GABRA6: variants seen among roughly 807,000 people sequenced by gnomAD.
GABRA6 encodes the protein gamma-aminobutyric acid receptor subunit alpha-6.
In GABRA6, 45 loss-of-function variants were observed where a neutral mutation model predicts 47.3. That is an observed-to-expected ratio of 0.95 (90% CI 0.75 to 1.22). The LOEUF (loss-of-function observed/expected upper bound fraction) is 1.22. Among genes scored for constraint, GABRA6 ranks in the 50% most tolerant of loss-of-function variants. The pLI is 0.00. For synonymous variants in GABRA6, 219 were observed against 194.7 expected, an observed-to-expected ratio of 1.12 and a Z score of -1.04; for missense variants, 583 against 549.3, an observed-to-expected ratio of 1.06 and a Z score of -0.61.
At chr5:161,694,212 C>T (rs1754849659) in intron 8 of GABRA6, among the ~76,000 whole-genome samples, 1 of 150,022 alleles carries the variant, frequency 6.7e-6, no homozygotes, top group Admixed American at 6.6e-5. Flanking sequence ...ATATATTGTC[C>T]ATAGGTCATC....
At chr5:161,696,007 C>A (rs77243557) in intron 8 of GABRA6, among the ~76,000 whole-genome samples, 24,026 of 152,000 alleles carry the variant, frequency 0.16, 2,351 homozygotes, top group South Asian at 0.38. Context: ...GATCAATGAG[C>A]CTTAATAATA....
At chr5:161,687,308 C>A (rs1754718563) in intron 3 of GABRA6, 1 of 415,886 alleles carries the variant, frequency 2.4e-6, no homozygotes, top group Non-Finnish European at 4.5e-6. Flanking sequence ...GAAGCTCCAG[C>A]AAATTTATTG....
At position 161,702,173 on chromosome 5, in the gene GABRA6, C is replaced by A. The variant is rs941359078; in HGVS notation, c.*400C>A. 4 of 222,450 alleles carry A rather than the reference C, an allele frequency of 1.8e-5. No individual in the cohort carries two copies. Among genetic ancestry groups the A allele is most frequent in the East Asian group, 1.1e-4 (1 of 9,166 alleles). The allele number at this position is 222,450 out of a possible 1,614,324, so 13.8% of individuals were successfully genotyped here. ...AATATGTTTATTTTGGCTTAGTTCC[C>A]GAGAGGGCAAAATATAAATACAGTC... On this transcript the variant is annotated 3_prime_UTR_variant, in exon 9 of 9. Coordinates refer to ENST00000274545, the MANE Select transcript of GABRA6 (RefSeq NM_000811.3).
chr5:161,693,897 C>T, intron 8 of GABRA6, among the ~76,000 whole-genome samples: 1 of 152,110 alleles, frequency 6.6e-6, no homozygotes, highest in African/African-American at 2.4e-5. Flanking sequence ...GGCCACCCTT[C>T]CCAAGAATTC....
At chr5:161,687,673 C>G (rs929044717) in intron 3 of GABRA6, 4 of 301,876 alleles carry the variant, frequency 1.3e-5, no homozygotes, top group African/African-American at 8.9e-5. Context: ...AATATGAATG[C>G]TGAAGTAAAC....
intron 8 of GABRA6, among the ~76,000 whole-genome samples, chr5:161,695,681 C>T (rs1247685231): frequency 6.6e-6 from 1 of 152,132 alleles, no homozygotes; most frequent in African/African-American, 2.4e-5. Context: ...TGTCATTACT[C>T]TCAATGTAGC....
At chr5:161,696,856 C>T (rs1403841390) in intron 8 of GABRA6, among the ~76,000 whole-genome samples, 2 of 152,268 alleles carry the variant, frequency 1.3e-5, no homozygotes, top group East Asian at 3.9e-4. Flanking sequence ...TATTTTCTCT[C>T]ATCTGTGTTG....
intron 8 of GABRA6, 83 bp from the exon 9 acceptor site, chr5:161,701,415 T>G: frequency 7.0e-7 from 1 of 1,427,786 alleles, no homozygotes; most frequent in Non-Finnish European, 9.8e-7. Flanking sequence ...TAAATATTTG[T>G]CAATGGTGAA....
rs1754681676 is a variant in GABRA6, at chr5:161,685,878, A to G, written c.-112A>G. On this transcript the variant is annotated 5_prime_UTR_variant, in exon 1 of 9. Transcript: ENST00000274545. ...GATTACTGACTTGAGGCAAACAAGG[A>G]ACAGAGATATGAAGGGTTTGAAAGA... 2.2e-6 allele frequency: 2 copies of G among 908,832 alleles called. No homozygotes were observed. The highest frequency in any genetic ancestry group is 1.9e-6 in the Non-Finnish European group (1 of 538,366). 56.3% of individuals were successfully genotyped at this position (908,832 alleles called of 1,614,324 possible).
At position 161,685,731 on chromosome 5, in the gene GABRA6, GC is replaced by G. The variant is rs896957048; in HGVS notation, c.-257del. The stretch of plus-strand genomic sequence containing the variant: ...TTTCCCAACTGAGTCAGTCAGAGGA[GC>G]CTGGGTGTCTGCAGGACATAATCTA... On this transcript the variant is annotated 5_prime_UTR_variant, in exon 1 of 9. Transcript: ENST00000274545. 3 of 567,666 alleles carry G rather than the reference GC, an allele frequency of 5.3e-6. No individual in the cohort carries two copies. The highest frequency in any genetic ancestry group is 3.8e-5 in the African/African-American group (2 of 53,128). 35.2% of individuals were successfully genotyped at this position (567,666 alleles called of 1,614,324 possible). A position where few individuals can be genotyped will look rare whatever the true frequency, so the allele number is the denominator to read the frequency against.
Position 161,689,697 on chromosome 5 carries a change from A to G in GABRA6, c.591A>G (p.Glu197=). The G allele has an allele frequency of 6.2e-7, 1 of 1,611,228 alleles. No homozygotes were observed. The highest frequency in any genetic ancestry group is 8.5e-7 in the Non-Finnish European group (1 of 1,177,374). The change falls in exon 6 of 9, where the codon GAA becomes GAG. Residue 197 remains glutamate, a synonymous_variant. Coordinates refer to ENST00000274545, the MANE Select transcript of GABRA6 (RefSeq NM_000811.3). ...TWKKGPLYSV[E]VPEESSSLLQ... is the part of the protein sequence containing the mutation. ...AAAAAGGACCACTTTACTCAGTAGA[A>G]GTCCCAGAAGAATCTTCAAGCCTTC...
rs1026181804 is a variant in GABRA6 at position 161,702,186 on chromosome 5, T to C, written c.*413T>C. 6.5e-5 allele frequency: 14 copies of C among 216,250 alleles called. No homozygotes were observed. In the South Asian group the frequency reaches 1.0e-3, roughly 15 times the overall value. 13.4% of individuals were successfully genotyped at this position (216,250 alleles called of 1,614,324 possible). The stretch of plus-strand genomic sequence containing the variant: ...TGGCTTAGTTCCCGAGAGGGCAAAA[T>C]ATAAATACAGTCTAAATATTTATCA... On this transcript the variant is annotated 3_prime_UTR_variant, in exon 9 of 9. Transcript: ENST00000274545.
chr5:161,699,751 T>G (rs966341975), intron 8 of GABRA6, among the ~76,000 whole-genome samples: 1 of 151,988 alleles, frequency 6.6e-6, no homozygotes, highest in Non-Finnish European at 1.5e-5. Flanking sequence ...TCAGCCACCA[T>G]GCACAGCCCA....
chr5:161,701,924 C>A lies in GABRA6; in HGVS notation c.*151C>A, dbSNP rs1754988437. 6.6e-6 allele frequency: 5 copies of A among 758,494 alleles called. No homozygotes were observed. Among genetic ancestry groups the A allele is most frequent in the Admixed American group, 2.5e-5 (1 of 40,594 alleles). The allele number at this position is 758,494 out of a possible 1,614,324, so 47.0% of individuals were successfully genotyped here. ...CGCAGCTTCCGTAAGCATGTGTGGG[C>A]AAAAAAGCAATAATCCTACTCCTCA... On this transcript the variant is annotated 3_prime_UTR_variant, in exon 9 of 9. Coordinates refer to ENST00000274545, the MANE Select transcript of GABRA6 (RefSeq NM_000811.3).
At chr5:161,690,427 T>A (rs1262765615) in intron 7 of GABRA6, 74 bp downstream of exon 7, 2 of 1,422,718 alleles carry the variant, frequency 1.4e-6, no homozygotes, top group Non-Finnish European at 2.0e-6. Flanking sequence ...GAGTAAATAT[T>A]TACACTGGTG....
At chr5:161,697,047 T>C (rs2067898632) in intron 8 of GABRA6, among the ~76,000 whole-genome samples, 1 of 152,234 alleles carries the variant, frequency 6.6e-6, no homozygotes, top group Non-Finnish European at 1.5e-5. Context: ...CTCTATCAAA[T>C]AGTTGATTGT....
intron 8 of GABRA6, 108 bp downstream of exon 8, chr5:161,692,308 T>C: frequency 7.4e-7 from 1 of 1,348,426 alleles, no homozygotes. Context: ...GCACAGGTTA[T>C]ATAACTGTAG....
chr5:161,685,905 T>G lies in GABRA6; in HGVS notation c.-85T>G. 1 of 1,068,632 alleles carries G rather than the reference T, an allele frequency of 9.4e-7. No homozygotes were observed. Among genetic ancestry groups the G allele is most frequent in the Non-Finnish European group, 1.5e-6 (1 of 681,200 alleles). 66.2% of individuals were successfully genotyped at this position (1,068,632 alleles called of 1,614,324 possible). On this transcript the variant is annotated 5_prime_UTR_variant, in exon 1 of 9. It adds an upstream start codon to the 5' untranslated region. Coordinates refer to ENST00000274545, the MANE Select transcript of GABRA6 (RefSeq NM_000811.3). The stretch of plus-strand genomic sequence containing the variant: ...CAGAGATATGAAGGGTTTGAAAGAT[T>G]TCTCCAGTTGATTGGCAGAGAAGAG...
Position 161,701,544 on chromosome 5 carries a change from C to T in GABRA6, c.1133C>T (p.Ser378Phe). 6.2e-7 allele frequency: 1 copy of T among 1,614,202 alleles called. No homozygotes were observed. The highest frequency in any genetic ancestry group is 8.5e-7 in the Non-Finnish European group (1 of 1,180,012). ...YHLKKRITSL[S>F]LPIVSSSEAN... ...CTGAAGAAAAGGATCACTTCTCTGT[C>T]TTTGCCAATAGTTTCATCTTCCGAG... The change falls in exon 9 of 9, where the codon TCT (serine) becomes TTT (phenylalanine). Residue 378 changes from serine (S) to phenylalanine (F), a missense_variant. By Grantham distance (155) the Ser-to-Phe change is radical (BLOSUM62 -2). Transcript: ENST00000274545.
Sources: gnomAD v4.1 joint callset for allele counts (sites outside exome capture counted in the v4.1 genomes callset) on GRCh38, gnomAD v4.1.1 for gene constraint, MANE v1.5 for transcripts, NCBI Gene and HGNC (gene_info 2026-07-23, HGNC 2026-07-21) for gene names.